The following CASS4 variants were observed in gnomAD, a reference collection of about 807,000 sequenced individuals.
CASS4 encodes Cas scaffold protein family member 4.
In CASS4, 22 loss-of-function variants were observed where a neutral mutation model predicts 54.2. The observed-to-expected ratio is 0.41, with a 90% confidence interval of 0.29 to 0.58. CASS4 has a LOEUF of 0.58. Ranked by LOEUF, CASS4 falls within the 20% of genes least tolerant of loss-of-function variation. The probability of loss-of-function intolerance (pLI) is 0.36; values close to 1 mark genes in which losing one functional copy is unlikely to be tolerated. For missense variants in CASS4, 854 were observed against 986.7 expected (o/e 0.87, Z 1.80); for synonymous variants, 409 against 391.5 (o/e 1.04, Z -0.53).
At chr20:56,418,740 A>G (rs1001026007) in intron 1 of CASS4, among the ~76,000 whole-genome samples, 1 of 152,130 alleles carries the variant, frequency 6.6e-6, no homozygotes, top group Non-Finnish European at 1.5e-5. Context: ...ATAGTAAATC[A>G]AGGAGTAGAT....
intron 5 of CASS4, chr20:56,453,716 C>T (rs1396964273): frequency 6.5e-6 from 1 of 152,674 alleles, no homozygotes; most frequent in African/African-American, 2.4e-5. Context: ...AGTGAGACCC[C>T]AGCTGTACAA....
chr20:56,428,774 T>C (rs866934733), intron 1 of CASS4, among the ~76,000 whole-genome samples: 9 of 152,286 alleles, frequency 5.9e-5, no homozygotes, highest in Middle Eastern at 6.8e-3. Flanking sequence ...GTATTGGCAA[T>C]AGCAGGCTTC....
intron 1 of CASS4, among the ~76,000 whole-genome samples, chr20:56,428,428 C>T (rs1185370730): frequency 6.6e-6 from 1 of 152,176 alleles, no homozygotes; most frequent in African/African-American, 2.4e-5. Context: ...CCCAGGCCCC[C>T]TGACTATTAA....
intron 3 of CASS4, among the ~76,000 whole-genome samples, chr20:56,448,158 A>G (rs1458325503): frequency 6.7e-6 from 1 of 149,676 alleles, no homozygotes; most frequent in East Asian, 2.0e-4. Flanking sequence ...AAAAAAAAAA[A>G]TAGTTATCAA....
intron 3 of CASS4, among the ~76,000 whole-genome samples, chr20:56,448,672 T>C (rs970509919): frequency 8.5e-5 from 13 of 152,236 alleles, no homozygotes; most frequent in African/African-American, 3.1e-4. Context: ...TCTTTCTCTC[T>C]TTCTTTGCAA....
At chr20:56,413,820 C>T (rs1979006272) in intron 1 of CASS4, among the ~76,000 whole-genome samples, 1 of 151,874 alleles carries the variant, frequency 6.6e-6, no homozygotes, top group African/African-American at 2.4e-5. Context: ...AATTTCAAAC[C>T]ATTGGAAAAA....
chr20:56,438,906 A>C (rs141579948), intron 2 of CASS4, among the ~76,000 whole-genome samples: 8 of 152,354 alleles, frequency 5.3e-5, no homozygotes, highest in Non-Finnish European at 1.0e-4. Flanking sequence ...TCTGTATGTG[A>C]GTGTGTATGT....
At chr20:56,424,814 G>C (rs2146268428) in intron 1 of CASS4, among the ~76,000 whole-genome samples, 1 of 151,804 alleles carries the variant, frequency 6.6e-6, no homozygotes, top group East Asian at 1.9e-4. Flanking sequence ...AGGCACAAGG[G>C]ACAAAGAGAA....
intron 1 of CASS4, among the ~76,000 whole-genome samples, chr20:56,415,664 T>G (rs571794274): frequency 1.3e-5 from 2 of 152,300 alleles, no homozygotes; most frequent in Admixed American, 1.3e-4. Context: ...GTCCTTAGCT[T>G]TGGGGCATTC....
chr20:56,419,727 G>A (rs569816832), intron 1 of CASS4, among the ~76,000 whole-genome samples: 3 of 145,512 alleles, frequency 2.1e-5, no homozygotes, highest in Admixed American at 6.8e-5. Flanking sequence ...CACCGTGCCC[G>A]GCTAGGCTCT....
intron 1 of CASS4, among the ~76,000 whole-genome samples, chr20:56,426,844 G>A (rs1979663194): frequency 6.6e-6 from 1 of 152,176 alleles, no homozygotes; most frequent in East Asian, 1.9e-4. Context: ...CTCCCAAAGT[G>A]CTGGGATTAC....
chr20:56,441,857 TTTC>T (rs1299570669), intron 2 of CASS4, among the ~76,000 whole-genome samples: 1 of 152,174 alleles, frequency 6.6e-6, no homozygotes, highest in Non-Finnish European at 1.5e-5. Flanking sequence ...TTCTAAATAC[TTTC>T]TTCTTCCTCT....
At chr20:56,422,383 T>C (rs1569136487) in intron 1 of CASS4, among the ~76,000 whole-genome samples, 1 of 152,218 alleles carries the variant, frequency 6.6e-6, no homozygotes, top group Non-Finnish European at 1.5e-5. Flanking sequence ...AGGAAACCAG[T>C]CACCTGTTCC....
At chr20:56,438,866 A>G (rs998298119) in intron 2 of CASS4, among the ~76,000 whole-genome samples, 2 of 152,222 alleles carry the variant, frequency 1.3e-5, no homozygotes, top group African/African-American at 4.8e-5. Flanking sequence ...TCAAAAATAA[A>G]CAAACAAACA....
At position 56,437,123 on chromosome 20, in the gene CASS4, G is replaced by C. The variant is rs746148078; in HGVS notation, c.37-41G>C. ...GATTGGAGTAGCAGTCACTGGCCAC[G>C]GTGCTAACTGCAAATTCTCTTCTCC... On this transcript the variant is annotated intron_variant, in intron 1 of 5. Coordinates refer to ENST00000679887, the MANE Select transcript of CASS4 (RefSeq NM_020356.4). This position sits in a 1 kb window ranked among gnomAD's most constrained non-coding sequence, Gnocchi z 4.7. 1 of 1,498,398 alleles carries C rather than the reference G, an allele frequency of 6.7e-7. No homozygotes were observed. Among genetic ancestry groups the C allele is most frequent in the Non-Finnish European group, 8.9e-7 (1 of 1,117,436 alleles). 92.8% of individuals were successfully genotyped at this position (1,498,398 alleles called of 1,614,324 possible). A position where few individuals can be genotyped will look rare whatever the true frequency, so the allele number is the denominator to read the frequency against.
chr20:56,439,748 G>A (rs1980371184), intron 2 of CASS4, among the ~76,000 whole-genome samples: 1 of 152,160 alleles, frequency 6.6e-6, no homozygotes, highest in Non-Finnish European at 1.5e-5. Flanking sequence ...AAGTAAGGAA[G>A]GAGAAAAAGA....
At position 56,452,403 on chromosome 20, in the gene CASS4, C is replaced by T. The variant is rs1244852246; in HGVS notation, c.1227C>T (p.Ile409=). 9 of 1,613,948 alleles carry T rather than the reference C, an allele frequency of 5.6e-6. No individual in the cohort carries two copies. Among genetic ancestry groups the T allele is most frequent in the African/African-American group, 1.3e-5 (1 of 74,930 alleles). The change falls in exon 5 of 6, where the codon ATC becomes ATT. Residue 409 remains isoleucine, a synonymous_variant. Coordinates refer to ENST00000679887, the MANE Select transcript of CASS4 (RefSeq NM_020356.4). ...CCAGTTCTGACAGCAGAGCTAGCAT[C>T]GTTTCCTCGTGCTCCACCACATCCA... ...SGSSSDSRAS[I]VSSCSTTSTD... is the part of the protein sequence containing the mutation.
At position 56,437,257 on chromosome 20, in the gene CASS4, C is replaced by G. The variant is rs989436634; in HGVS notation, c.130C>G (p.His44Asp). The G allele has an allele frequency of 3.1e-6, 5 of 1,613,840 alleles. No individual in the cohort carries two copies. The Admixed American group carries it at 8.3e-5, about 27-fold the overall frequency. ...GGACATCCTGACCATTCTGGAGCAA[C>G]ACGTGCCAGAAAGCGAGGGTTGGTG... ...RGDILTILEQ[H>D]VPESEGWWKC... The change falls in exon 2 of 6, where the codon CAC (histidine) becomes GAC (aspartate). Residue 44 changes from histidine (H) to aspartate (D), a missense_variant. Transcript: ENST00000679887. The surrounding 1 kb of genome is among the most constrained non-coding windows in gnomAD (Gnocchi z 4.7).
chr20:56,455,931 C>A lies in CASS4; in HGVS notation c.1954-2409C>A, dbSNP rs558868000. ...GGGCAACAAGAACAAGACTCTGTCT[C>A]AAGAAAACAAACAAACAAAAACAAA... is the stretch of plus-strand genomic sequence containing the variant. On this transcript the variant is annotated intron_variant, in intron 5 of 5. Transcript: ENST00000679887. Among the ~76,000 whole-genome samples the A allele has an allele frequency of 5.9e-5, 9 of 151,638 alleles. No individual in the cohort carries two copies. The South Asian group carries it at 1.9e-3, about 32-fold the overall frequency.
Sources: allele counts gnomAD v4.1 joint callset (sites outside exome capture counted in the v4.1 genomes callset), GRCh38; gene constraint gnomAD v4.1.1; non-coding constraint Gnocchi (gnomAD v3.1); transcripts MANE v1.5; gene names NCBI Gene and HGNC (gene_info 2026-07-23, HGNC 2026-07-21).